P3H3: variants seen among roughly 807,000 people sequenced by gnomAD.
P3H3 encodes the protein prolyl 3-hydroxylase 3.
A neutral mutation model predicts 78.1 loss-of-function variants in P3H3; 64 were observed. The observed-to-expected ratio is 0.82, with a 90% CI of 0.67 to 1.01. P3H3 has a LOEUF of 1.01. Among genes scored for constraint, P3H3 ranks in the 50% least tolerant of loss-of-function variants. The pLI is 0.00. For synonymous variants in P3H3, 425 were observed against 416.7 expected (o/e 1.02, Z -0.24); for missense variants, 975 against 982.2 (o/e 0.99, Z 0.10).
Position 6,837,071 on chromosome 12 carries a change from G to T in P3H3, c.1545G>T (p.Val515=). ...ATGAACGCTTCGAGGGGCTCACGGT[G>T]CTTAAGGCTGCGCAGGTGAGCACAG... The part of the protein sequence containing the change: ...TPHERFEGLT[V]LKAAQLARAG... Residue 515 remains valine, a synonymous_variant, in exon 10 of 15, where the codon GTG becomes GTT. Transcript: ENST00000290510. The T allele has an allele frequency of 6.2e-7, 1 of 1,604,154 alleles. No individual in the cohort carries two copies.
intron 13 of P3H3, 69 bp from the exon 14 acceptor site, chr12:6,838,931 C>T (rs1555122596): frequency 7.0e-7 from 1 of 1,427,690 alleles, no homozygotes; most frequent in Non-Finnish European, 9.5e-7. Flanking sequence ...CCATCCTGCT[C>T]TAGGGAGTGA....
chr12:6,835,553 C>G (rs1280889505), intron 9 of P3H3, among the ~76,000 whole-genome samples: 1 of 151,932 alleles, frequency 6.6e-6, no homozygotes, highest in African/African-American at 2.4e-5. Flanking sequence ...CATTGCAGTC[C>G]AGCCTGGGCA....
chr12:6,830,774 A>G lies in P3H3; in HGVS notation c.985+4A>G, dbSNP rs1555121281. On this transcript the variant is annotated splice_donor_region_variant and intron_variant, in intron 4 of 14. Coordinates refer to ENST00000290510, the MANE Select transcript of P3H3 (RefSeq NM_014262.5). ...CTACATGAGGCCCATGCTCAGGGTC[A>G]GTTGGGGAAGGGTGGAAACGGGGAG... 6.2e-7 allele frequency: 1 copy of G among 1,613,814 alleles called. No homozygotes were observed. The highest frequency in any genetic ancestry group is 1.3e-5 in the African/African-American group (1 of 74,914).
rs1289579453 is a variant in P3H3, at chr12:6,828,736, C to A, written c.296C>A (p.Pro99His). 49 of 1,246,350 alleles carry A rather than the reference C, an allele frequency of 3.9e-5. No individual in the cohort carries two copies. Among genetic ancestry groups the A allele is most frequent in the Middle Eastern group, 6.2e-4 (2 of 3,252 alleles). The allele number at this position is 1,246,350 out of a possible 1,614,324, so 77.2% of individuals were successfully genotyped here. ...GCCGTGCTTCTCGGGGCCCCGGAGC[C>A]CGACTCCGGGCCGGGACCCACGCAG... ...LPAVLLGAPE[P>H]DSGPGPTQGS... Residue 99 changes from proline to histidine, a missense_variant, in exon 1 of 15, where the codon CCC becomes CAC. Transcript: ENST00000290510.
chr12:6,839,018 T>TG lies in P3H3; in HGVS notation c.1925dup (p.Cys642TrpfsTer37). 1 of 1,606,284 alleles carries TG rather than the reference T, an allele frequency of 6.2e-7. No homozygotes were observed. Among genetic ancestry groups the TG allele is most frequent in the Non-Finnish European group, 8.5e-7 (1 of 1,176,496 alleles). ...CCTCCAGGCTCGGGTGCGTCCTCGC[T>TG]GTGGGCGCCTTGTGGCCTTCAGCTC... On this transcript the variant is annotated frameshift_variant, in exon 14 of 15. Coordinates refer to ENST00000290510, the MANE Select transcript of P3H3 (RefSeq NM_014262.5). LOFTEE classifies it high-confidence loss of function.
Position 6,828,633 on chromosome 12 carries a change from C to T in P3H3, c.193C>T (p.Arg65Trp). The T allele has an allele frequency of 8.2e-7, 1 of 1,214,216 alleles. No individual in the cohort carries two copies. The highest frequency in any genetic ancestry group is 4.1e-5 in the South Asian group (1 of 24,566). The allele number at this position is 1,214,216 out of a possible 1,614,324, so 75.2% of individuals were successfully genotyped here. ...CGTGGCGCTGCTGCGGGAGGCGCTG[C>T]GGAGCCAGGCGGCGCTGGGCCGGGT... ...PAVALLREAL[R>W]SQAALGRVRL... Residue 65 changes from arginine (R) to tryptophan (W), a missense_variant, in exon 1 of 15, where the codon CGG becomes TGG. By Grantham distance (101) the Arg-to-Trp change is moderately radical. Transcript: ENST00000290510.
rs1943427599 is a variant in P3H3, at chr12:6,829,807, G to C, written c.499-52G>C. ...GTGGGGAGGCTGGCCAGGGGGCAGA[G>C]GTCTGCCCCCCGTCCCAGGGCTCTG... On this transcript the variant is annotated intron_variant, in intron 1 of 14. Coordinates refer to ENST00000290510, the MANE Select transcript of P3H3 (RefSeq NM_014262.5). The surrounding 1 kb of genome is among the most constrained non-coding windows in gnomAD (Gnocchi z 5.1). 1.3e-6 allele frequency: 2 copies of C among 1,595,564 alleles called. No homozygotes were observed. The highest frequency in any genetic ancestry group is 8.6e-7 in the Non-Finnish European group (1 of 1,164,272).
Position 6,828,424 on chromosome 12 carries a change from C to T in P3H3, c.-17C>T. 1 of 588,450 alleles carries T rather than the reference C, an allele frequency of 1.7e-6. No individual in the cohort carries two copies. Among genetic ancestry groups the T allele is most frequent in the Non-Finnish European group, 2.8e-6 (1 of 355,986 alleles). 36.5% of individuals were successfully genotyped at this position (588,450 alleles called of 1,614,324 possible). On this transcript the variant is annotated 5_prime_UTR_variant, in exon 1 of 15. Transcript: ENST00000290510. The stretch of plus-strand genomic sequence containing the variant: ...CGGCTCCCGCATTTCCCCTCGGCTG[C>T]CGGCGGCTCCGACATCATGCTCCGG...
Position 6,828,909 on chromosome 12 carries a change from T to C in P3H3, c.469T>C (p.Tyr157His). ...GGACGCCTTCCGCCGTCGGGAGCCC[T>C]ACAACTACCTGCAGAGGGCCTATTA... ...LRDAFRRREP[Y>H]NYLQRAYYQL... Residue 157 changes from tyrosine to histidine, a missense_variant, in exon 1 of 15, where the codon TAC (tyrosine) becomes CAC (histidine). Physicochemically the swap from Tyr to His is moderately conservative, Grantham distance 83. Transcript: ENST00000290510. The C allele has an allele frequency of 8.0e-7, 1 of 1,245,770 alleles. No homozygotes were observed. Among genetic ancestry groups the C allele is most frequent in the South Asian group, 3.4e-5 (1 of 29,588 alleles). The allele number at this position is 1,245,770 out of a possible 1,614,324, so 77.2% of individuals were successfully genotyped here.
chr12:6,838,944 GC>G, intron 13 of P3H3, 55 bp from the exon 14 acceptor site: 1 of 1,504,420 alleles, frequency 6.6e-7, no homozygotes. Context: ...GGGAGTGAGG[GC>G]CAAGTTCTCT....
Position 6,830,775 on chromosome 12 carries a change from G to A in P3H3, c.985+5G>A. 2 of 1,613,998 alleles carry A rather than the reference G, an allele frequency of 1.2e-6. No homozygotes were observed. Among genetic ancestry groups the A allele is most frequent in the Non-Finnish European group, 1.7e-6 (2 of 1,179,876 alleles). ...TACATGAGGCCCATGCTCAGGGTCA[G>A]TTGGGGAAGGGTGGAAACGGGGAGT... On this transcript the variant is annotated splice_donor_5th_base_variant and intron_variant, in intron 4 of 14. Transcript: ENST00000290510.
At chr12:6,836,713 C>T (rs781822141) in intron 9 of P3H3, among the ~76,000 whole-genome samples, 1 of 152,188 alleles carries the variant, frequency 6.6e-6, no homozygotes, top group Admixed American at 6.5e-5. Context: ...CTCTCAGAGG[C>T]CCCCTTACTG....
intron 9 of P3H3, 147 bp downstream of exon 9, chr12:6,834,196 G>C: frequency 8.2e-7 from 1 of 1,223,806 alleles, no homozygotes; most frequent in Non-Finnish European, 1.1e-6. Context: ...CTGTGGATAA[G>C]TTCCGTCTCG....
chr12:6,831,398 C>T lies in P3H3; in HGVS notation c.1122+46C>T. The T allele has an allele frequency of 1.2e-6, 2 of 1,610,212 alleles. No homozygotes were observed. The highest frequency in any genetic ancestry group is 1.1e-5 in the South Asian group (1 of 90,944). ...ACCTGGGAGGTAGCCCCAAATCAAACAAATAGACCTGAGAAGTAACCTGGA... is the reference window on the plus strand; with the variant it reads ...ACCTGGGAGGTAGCCCCAAATCAAATAAATAGACCTGAGAAGTAACCTGGA... On this transcript the variant is annotated intron_variant, in intron 5 of 14. Transcript: ENST00000290510. The surrounding 1 kb of genome is among the most constrained non-coding windows in gnomAD (Gnocchi z 4.6).
At chr12:6,837,378 C>G in intron 10 of P3H3, 45 bp from the exon 11 acceptor site, 1 of 1,579,964 alleles carries the variant, frequency 6.3e-7, no homozygotes, top group South Asian at 1.2e-5. Flanking sequence ...AGACCACCCT[C>G]CCCTTGCCTT....
rs1943450776 is a variant in P3H3 at position 6,831,487 on chromosome 12, A to G, written c.1122+135A>G. On this transcript the variant is annotated intron_variant, in intron 5 of 14. Coordinates refer to ENST00000290510, the MANE Select transcript of P3H3 (RefSeq NM_014262.5). The surrounding 1 kb of genome is among the most constrained non-coding windows in gnomAD (Gnocchi z 4.6). The stretch of plus-strand genomic sequence containing the variant: ...TCACCCAAAGGACTCCAAGTCCAGC[A>G]TCTGACTTCCGTCTCCACTCCCTGC... 3 of 1,261,844 alleles carry G rather than the reference A, an allele frequency of 2.4e-6. No individual in the cohort carries two copies. The highest frequency in any genetic ancestry group is 2.9e-5 in the South Asian group (2 of 69,798). The allele number at this position is 1,261,844 out of a possible 1,614,324, so 78.2% of individuals were successfully genotyped here.
Position 6,833,599 on chromosome 12 carries a change from G to C in P3H3, c.1220G>C (p.Trp407Ser). 6.2e-7 allele frequency: 1 copy of C among 1,613,860 alleles called. No individual in the cohort carries two copies. The highest frequency in any genetic ancestry group is 8.5e-7 in the Non-Finnish European group (1 of 1,179,824). The change falls in exon 7 of 15, where the codon TGG becomes TCG. Residue 407 changes from tryptophan (W) to serine (S), a missense_variant. Transcript: ENST00000290510. ...TTTTCTGGACTGTCGCAGGACCCCT[G>C]GACCCCTGCAGCTCTCATCCCTGAG... ...LGTSFKDPDP[W>S]TPAALIPEAL...
At position 6,839,401 on chromosome 12, in the gene P3H3, C is replaced by G. The variant is rs1332936138; in HGVS notation, c.2151C>G (p.Arg717=). 2.6e-6 allele frequency: 4 copies of G among 1,552,314 alleles called. No homozygotes were observed. The highest frequency in any genetic ancestry group is 3.5e-6 in the Non-Finnish European group (4 of 1,147,380). Residue 717 remains arginine (R), a synonymous_variant, in exon 15 of 15, where the codon CGC becomes CGG. Transcript: ENST00000290510. ...ACCCTTCCCCAGAGCCCCCTAGCCG[C>G]AGGCACCAGAGGGTCCAAGACAAGA... ...SKDPSPEPPS[R]RHQRVQDKTG...
intron 6 of P3H3, among the ~76,000 whole-genome samples, chr12:6,832,957 C>T (rs1283321870): frequency 2.0e-5 from 3 of 148,576 alleles, no homozygotes; most frequent in East Asian, 2.0e-4. Flanking sequence ...AGGTGGATCA[C>T]CAGATCAGGA....
Sources: allele counts gnomAD v4.1 joint callset (sites outside exome capture counted in the v4.1 genomes callset), GRCh38; gene constraint gnomAD v4.1.1; non-coding constraint Gnocchi (gnomAD v3.1); transcripts MANE v1.5; gene names NCBI Gene and HGNC (gene_info 2026-07-23, HGNC 2026-07-21).